PPP1R12B: variants seen among roughly 807,000 people sequenced by gnomAD.
PPP1R12B encodes protein phosphatase 1 regulatory subunit 12B, also known as myosin phosphatase target subunit 2.
In PPP1R12B, 76 loss-of-function variants were observed where a neutral mutation model predicts 126.1. The ratio of observed to expected loss-of-function variants is 0.60; its 90% confidence interval spans 0.50 to 0.73. PPP1R12B has a LOEUF of 0.73. Ranked by LOEUF, PPP1R12B falls within the 30% of genes least tolerant of loss-of-function variation. The pLI, the probability that PPP1R12B is intolerant of heterozygous loss-of-function variation, is 0.00. For synonymous variants in PPP1R12B, 356 were observed against 434.7 expected (o/e 0.82, Z 2.25); for missense variants, 1,052 against 1,205.1 (o/e 0.87, Z 1.88).
Position 202,472,098 on chromosome 1 carries a change from A to G in PPP1R12B, c.1851-16435A>G, listed in dbSNP as rs934790907. 2.5e-6 allele frequency: 4 copies of G among 1,578,386 alleles called. No individual in the cohort carries two copies. The African/African-American group carries it at 5.4e-5, about 21-fold the overall frequency. On this transcript the variant is annotated intron_variant, in intron 13 of 23. Coordinates refer to ENST00000608999, the MANE Select transcript of PPP1R12B (RefSeq NM_002481.4). Reference sequence around the variant, plus strand: ...CTCCTCTTCTGGAGAGGGATGAAGGAGATCCTTTGTGAGAGGCATGTTCTC... The same window carrying G: ...CTCCTCTTCTGGAGAGGGATGAAGGGGATCCTTTGTGAGAGGCATGTTCTC...
intron 18 of PPP1R12B, chr1:202,502,156 C>G (rs1331221612): frequency 1.0e-6 from 1 of 985,024 alleles, no homozygotes; most frequent in Admixed American, 6.2e-5. Flanking sequence ...CTGTCCCCAT[C>G]CAGAATGCAA....
At chr1:202,386,611 G>C (rs534454840) in intron 1 of PPP1R12B, among the ~76,000 whole-genome samples, 1 of 152,162 alleles carries the variant, frequency 6.6e-6, no homozygotes, top group Non-Finnish European at 1.5e-5. Flanking sequence ...GAGCCACGGC[G>C]CCTGGCCTGG....
At position 202,355,029 on chromosome 1, in the gene PPP1R12B, C is replaced by T. The variant is rs113407569; in HGVS notation, c.291+5887C>T. Reference sequence around the variant, plus strand: ...TTTTTAGTAGAGACGGGGTTTTGGGCGGGTGGATCACGAGGTCAGGAGATC... The same window carrying T: ...TTTTTAGTAGAGACGGGGTTTTGGGTGGGTGGATCACGAGGTCAGGAGATC... On this transcript the variant is annotated intron_variant, in intron 1 of 23. Transcript: ENST00000608999. Among the ~76,000 whole-genome samples the T allele has an allele frequency of 2.1e-3, 322 of 151,574 alleles. 2 individuals carry two copies. The Middle Eastern group carries it at 0.048, about 23-fold the overall frequency.
intron 12 of PPP1R12B, among the ~76,000 whole-genome samples, chr1:202,446,777 GTT>G (rs111415656): frequency 6.9e-6 from 1 of 144,006 alleles, no homozygotes. Flanking sequence ...TAAGGTAAAG[GTT>G]TTTTTTTTTT....
intron 18 of PPP1R12B, among the ~76,000 whole-genome samples, chr1:202,551,008 T>A (rs191073667): frequency 6.6e-6 from 1 of 152,360 alleles, no homozygotes; most frequent in African/African-American, 2.4e-5. Flanking sequence ...GCTTTAAAAT[T>A]CTAATAATAT....
chr1:202,384,041 G>A (rs1458956436), intron 1 of PPP1R12B, among the ~76,000 whole-genome samples: 2 of 152,112 alleles, frequency 1.3e-5, no homozygotes, highest in Non-Finnish European at 2.9e-5. Context: ...ATAAAAAGAC[G>A]GACAATAACA....
At chr1:202,448,540 C>A (rs1024906044) in intron 12 of PPP1R12B, 2 of 160,826 alleles carry the variant, frequency 1.2e-5, no homozygotes, top group African/African-American at 4.8e-5. Context: ...CTGAGGACTA[C>A]CACAAAGACT....
At chr1:202,573,137 G>A (rs535578392) in intron 23 of PPP1R12B, among the ~76,000 whole-genome samples, 1 of 151,828 alleles carries the variant, frequency 6.6e-6, no homozygotes, top group Non-Finnish European at 1.5e-5. Context: ...GAGAGCCAGG[G>A]ACTTTCCATT....
Position 202,569,144 on chromosome 1 carries a change from C to G in PPP1R12B, c.2812-3C>G. 1 of 1,613,056 alleles carries G rather than the reference C, an allele frequency of 6.2e-7. No individual in the cohort carries two copies. Among genetic ancestry groups the G allele is most frequent in the South Asian group, 1.1e-5 (1 of 91,056 alleles). On this transcript the variant is annotated splice_polypyrimidine_tract_variant and splice_region_variant and intron_variant, in intron 22 of 23. Transcript: ENST00000608999. ...GTTCAACAGTCTCATTGTTCCGAAACAGGAGAGGCGAGCCTTGGAGCGCAA... is the reference window on the plus strand; with the variant it reads ...GTTCAACAGTCTCATTGTTCCGAAAGAGGAGAGGCGAGCCTTGGAGCGCAA...
intron 13 of PPP1R12B, among the ~76,000 whole-genome samples, chr1:202,465,800 T>C (rs1453886082): frequency 1.3e-5 from 2 of 152,326 alleles, no homozygotes; most frequent in East Asian, 3.9e-4. Flanking sequence ...TCTAGTCTTC[T>C]AACCTGATAA....
At position 202,583,517 on chromosome 1, in the gene PPP1R12B, C is replaced by CT. The variant is rs1689658895; in HGVS notation, c.*2960dup. On this transcript the variant is annotated 3_prime_UTR_variant, in exon 24 of 24. Coordinates refer to ENST00000608999, the MANE Select transcript of PPP1R12B (RefSeq NM_002481.4). ...AAACTATCCTAGGTAATTTCAGGTACTTTCTCTTATGCAATTAATTTTATT... is the reference window on the plus strand; with the variant it reads ...AAACTATCCTAGGTAATTTCAGGTACTTTTCTCTTATGCAATTAATTTTATT... The CT allele has an allele frequency of 6.6e-6, 1 of 152,186 alleles. No homozygotes were observed. The highest frequency in any genetic ancestry group is 2.4e-5 in the African/African-American group (1 of 41,440). 9.4% of individuals were successfully genotyped at this position (152,186 alleles called of 1,614,324 possible).
chr1:202,360,616 G>A (rs1169334438), intron 1 of PPP1R12B, among the ~76,000 whole-genome samples: 4 of 151,940 alleles, frequency 2.6e-5, no homozygotes, highest in Non-Finnish European at 5.9e-5. Flanking sequence ...GGCTGAGGCA[G>A]GAGAATCGCT....
At chr1:202,578,767 A>G (rs1689321839) in intron 23 of PPP1R12B, among the ~76,000 whole-genome samples, 1 of 152,210 alleles carries the variant, frequency 6.6e-6, no homozygotes, top group Admixed American at 6.5e-5. Flanking sequence ...CATACGAGAG[A>G]GTAGGACAGG....
chr1:202,583,259 C>G lies in PPP1R12B; in HGVS notation c.*2699C>G, dbSNP rs187271796. 1 of 152,164 alleles carries G rather than the reference C, an allele frequency of 6.6e-6. No individual in the cohort carries two copies. Among genetic ancestry groups the G allele is most frequent in the East Asian group, 1.9e-4 (1 of 5,170 alleles). 9.4% of individuals were successfully genotyped at this position (152,164 alleles called of 1,614,324 possible). A position where few individuals can be genotyped will look rare whatever the true frequency, so the allele number is the denominator to read the frequency against. On this transcript the variant is annotated 3_prime_UTR_variant, in exon 24 of 24. Transcript: ENST00000608999. ...CTTGACCCTTTTCCACTCAATAGAC[C>G]AGGGAAAGGGGTTACAGAGAGCCTC... is the stretch of plus-strand genomic sequence containing the variant.
At chr1:202,566,635 G>A (rs1170684139) in intron 21 of PPP1R12B, among the ~76,000 whole-genome samples, 1 of 152,146 alleles carries the variant, frequency 6.6e-6, no homozygotes, top group African/African-American at 2.4e-5. Context: ...AAAGACTTAC[G>A]AGGATATTAA....
At chr1:202,361,356 G>A (rs565876274) in intron 1 of PPP1R12B, among the ~76,000 whole-genome samples, 3 of 152,150 alleles carry the variant, frequency 2.0e-5, no homozygotes, top group Non-Finnish European at 4.4e-5. Flanking sequence ...TGAGGGCCTC[G>A]GGAAGCTTAC....
intron 12 of PPP1R12B, among the ~76,000 whole-genome samples, chr1:202,446,256 A>ATATATT (rs376183502): frequency 4.8e-4 from 26 of 54,344 alleles, no homozygotes; most frequent in East Asian, 3.2e-3. Context: ...ATATATATAT[A>ATATATT]TTTTTTTTTT....
chr1:202,472,731 T>C (rs1676103543), intron 13 of PPP1R12B, among the ~76,000 whole-genome samples: 1 of 152,242 alleles, frequency 6.6e-6, no homozygotes, highest in South Asian at 2.1e-4. Flanking sequence ...GAGCCATAGC[T>C]TGGTGATAAA....
At chr1:202,416,343 A>G (rs1401751800) in intron 1 of PPP1R12B, among the ~76,000 whole-genome samples, 2 of 152,102 alleles carry the variant, frequency 1.3e-5, no homozygotes, top group Admixed American at 1.3e-4. Context: ...CCTGACCAAC[A>G]TGGAGAAACC....
Sources: allele counts gnomAD v4.1 joint callset (sites outside exome capture counted in the v4.1 genomes callset), GRCh38; gene constraint gnomAD v4.1.1; transcripts MANE v1.5; gene names NCBI Gene and HGNC (gene_info 2026-07-23, HGNC 2026-07-21).